The following SNX10 variants were observed in gnomAD, a reference collection of about 807,000 sequenced individuals.
SNX10 encodes the protein sorting nexin 10.
SNX10 carries 25 observed loss-of-function variants against 28.5 expected under a neutral mutation model. That is an observed-to-expected ratio of 0.88 (90% confidence interval 0.64 to 1.22). SNX10 has a LOEUF of 1.22. Ranked by LOEUF, SNX10 falls within the 50% of genes most tolerant of loss-of-function variation. SNX10 has a pLI of 0.00. For missense variants in SNX10, 223 were observed against 242.6 expected, an observed-to-expected ratio of 0.92 and a Z score of 0.54; for synonymous variants, 62 against 81.4, an observed-to-expected ratio of 0.76 and a Z score of 1.28.
intron 1 of SNX10, among the ~76,000 whole-genome samples, chr7:26,308,328 G>A (rs1446621964): frequency 6.6e-6 from 1 of 152,270 alleles, no homozygotes; most frequent in East Asian, 1.9e-4. Flanking sequence ...ATTTCAGGAG[G>A]GGTTCTGCCC....
intron 1 of SNX10, among the ~76,000 whole-genome samples, chr7:26,324,301 AT>A (rs776110548): frequency 3.9e-5 from 6 of 152,196 alleles, no homozygotes; most frequent in Non-Finnish European, 8.8e-5. Context: ...AATTGTGATA[AT>A]GATTGTTCAT....
intron 1 of SNX10, among the ~76,000 whole-genome samples, chr7:26,345,815 T>C (rs1160636870): frequency 6.6e-6 from 1 of 152,126 alleles, no homozygotes; most frequent in East Asian, 1.9e-4. Context: ...TGAGCTTACA[T>C]ACCAAGTGGG....
intron 5 of SNX10, among the ~76,000 whole-genome samples, chr7:26,369,585 T>C (rs775786211): frequency 5.9e-5 from 9 of 152,152 alleles, no homozygotes; most frequent in Non-Finnish European, 1.2e-4. Context: ...ACCAAAACTG[T>C]ACCTAGCCGA....
Position 26,364,670 on chromosome 7 carries a change from C to T in SNX10, c.212+35C>T. 1 of 1,423,970 alleles carries T rather than the reference C, an allele frequency of 7.0e-7. No individual in the cohort carries two copies. Among genetic ancestry groups the T allele is most frequent in the East Asian group, 2.3e-5 (1 of 43,876 alleles). 88.2% of individuals were successfully genotyped at this position (1,423,970 alleles called of 1,614,324 possible). On this transcript the variant is annotated intron_variant, in intron 4 of 6. Coordinates refer to ENST00000338523, the MANE Select transcript of SNX10 (RefSeq NM_013322.3). The surrounding 1 kb of genome is among the most constrained non-coding windows in gnomAD (Gnocchi z 4.9). Reference sequence around the variant, plus strand: ...TTAGAGTATACTGTGGAGACTTTGTCATTATATTCAGTATTTAAAATTGAC... The same window carrying T: ...TTAGAGTATACTGTGGAGACTTTGTTATTATATTCAGTATTTAAAATTGAC...
At chr7:26,353,024 G>T (rs564889085) in intron 2 of SNX10, among the ~76,000 whole-genome samples, 1 of 152,098 alleles carries the variant, frequency 6.6e-6, no homozygotes, top group South Asian at 2.1e-4. Flanking sequence ...TGTGTTACAA[G>T]ATATGAAAAG....
At chr7:26,322,575 TATATTTTTACAAAG>T (rs573896244) in intron 1 of SNX10, among the ~76,000 whole-genome samples, 201 of 152,346 alleles carry the variant, frequency 1.3e-3, no homozygotes, top group African/African-American at 4.8e-3. Context: ...TTTTTTTCTT[TATATTTTTACAAAG>T]CCAAAATTTA....
intron 1 of SNX10, among the ~76,000 whole-genome samples, chr7:26,339,971 A>C (rs560057677): frequency 6.6e-6 from 1 of 151,948 alleles, no homozygotes; most frequent in Non-Finnish European, 1.5e-5. Flanking sequence ...ATCAGGGAGC[A>C]CCTGATCTAA....
At chr7:26,327,255 T>A (rs944845860) in intron 1 of SNX10, among the ~76,000 whole-genome samples, 1 of 152,158 alleles carries the variant, frequency 6.6e-6, no homozygotes, top group African/African-American at 2.4e-5. Flanking sequence ...CCGGGTCTTG[T>A]TAATTATCTT....
intron 2 of SNX10, among the ~76,000 whole-genome samples, chr7:26,349,008 C>T (rs1168090479): frequency 1.3e-5 from 2 of 152,250 alleles, no homozygotes; most frequent in Non-Finnish European, 2.9e-5. Context: ...TCCTCAACAG[C>T]ACCCTGTAGT....
At chr7:26,318,196 G>A (rs191218560) in intron 1 of SNX10, among the ~76,000 whole-genome samples, 13 of 152,248 alleles carry the variant, frequency 8.5e-5, no homozygotes, top group Admixed American at 7.2e-4. Context: ...ACCAATAGCC[G>A]TACACTATTT....
intron 1 of SNX10, among the ~76,000 whole-genome samples, chr7:26,307,560 A>G (rs1584096530): frequency 6.6e-6 from 1 of 151,404 alleles, no homozygotes; most frequent in East Asian, 1.9e-4. Flanking sequence ...CCATCCTCCA[A>G]CCTCAGCCTC....
chr7:26,351,707 A>G (rs1788612843), intron 2 of SNX10, among the ~76,000 whole-genome samples: 1 of 123,598 alleles, frequency 8.1e-6, no homozygotes, highest in Non-Finnish European at 1.6e-5. Flanking sequence ...CCCAGGCTGG[A>G]GTGCAGTGGT....
At chr7:26,355,022 C>T (rs1009088755) in intron 2 of SNX10, among the ~76,000 whole-genome samples, 4 of 151,790 alleles carry the variant, frequency 2.6e-5, no homozygotes, top group African/African-American at 7.3e-5. Flanking sequence ...ATAAGGTGCA[C>T]GCTTTAGGTT....
intron 6 of SNX10, 90 bp downstream of exon 6, chr7:26,372,123 C>A: frequency 1.2e-6 from 1 of 842,154 alleles, no homozygotes; most frequent in Non-Finnish European, 1.8e-6. Flanking sequence ...ATACACACTT[C>A]ACTTTTTTGT....
chr7:26,364,435 C>G lies in SNX10; in HGVS notation c.112-100C>G. Reference sequence around the variant, plus strand: ...TAAATATATGTTTGGTGGTTTAAATCCTATTTAGAGTGAATGTTGAGATCA... The same window carrying G: ...TAAATATATGTTTGGTGGTTTAAATGCTATTTAGAGTGAATGTTGAGATCA... On this transcript the variant is annotated intron_variant, in intron 3 of 6. Transcript: ENST00000338523. This position sits in a 1 kb window ranked among gnomAD's most constrained non-coding sequence, Gnocchi z 4.9. The G allele has an allele frequency of 7.0e-7, 1 of 1,431,838 alleles. No homozygotes were observed. The highest frequency in any genetic ancestry group is 1.4e-5 in the African/African-American group (1 of 69,920). The allele number at this position is 1,431,838 out of a possible 1,614,324, so 88.7% of individuals were successfully genotyped here.
At chr7:26,357,114 G>C in intron 2 of SNX10, 1 of 1,008,226 alleles carries the variant, frequency 9.9e-7, no homozygotes, top group South Asian at 1.5e-5. Context: ...GCGTCTGCTA[G>C]AGGAGGCCTA....
In SNX10 at chr7:26,364,582, A is replaced by G. The variant is rs1329130662; in HGVS notation, c.159A>G (p.Arg53=). The G allele has an allele frequency of 3.1e-6, 5 of 1,614,060 alleles. No individual in the cohort carries two copies. Among genetic ancestry groups the G allele is most frequent in the Non-Finnish European group, 4.2e-6 (5 of 1,179,958 alleles). Residue 53 remains arginine (R), a synonymous_variant, in exon 4 of 7, where the codon AGA becomes AGG. Coordinates refer to ENST00000338523, the MANE Select transcript of SNX10 (RefSeq NM_013322.3). This position sits in a 1 kb window ranked among gnomAD's most constrained non-coding sequence, Gnocchi z 4.9. ...TGAAAACATCCTGTGTACGAAGAAG[A>G]TATAGAGAATTCGTGTGGCTGAGGC... ...FTMKTSCVRR[R]YREFVWLRQR...
At chr7:26,356,105 G>T (rs541496160) in intron 2 of SNX10, among the ~76,000 whole-genome samples, 22 of 152,184 alleles carry the variant, frequency 1.4e-4, no homozygotes, top group Admixed American at 3.3e-4. Context: ...GGTCAAACCT[G>T]GGGTGTGGGG....
intron 1 of SNX10, among the ~76,000 whole-genome samples, chr7:26,334,207 A>G (rs1787841915): frequency 6.6e-6 from 1 of 152,102 alleles, no homozygotes; most frequent in Non-Finnish European, 1.5e-5. Context: ...AGTTATATGT[A>G]TTTTTGAGGT....
Sources: gnomAD v4.1 joint callset for allele counts (sites outside exome capture counted in the v4.1 genomes callset) on GRCh38, gnomAD v4.1.1 for gene constraint, Gnocchi (gnomAD v3.1) non-coding constraint, MANE v1.5 for transcripts, NCBI Gene and HGNC (gene_info 2026-07-23, HGNC 2026-07-21) for gene names.